Variants in PPP2R2B observed in about 807,000 individuals in gnomAD.
The protein encoded by PPP2R2B is serine/threonine-protein phosphatase 2A 55 kDa regulatory subunit B beta isoform.
Under a neutral mutation model 46.0 loss-of-function variants are expected in PPP2R2B, and 5 were observed. The observed-to-expected ratio is 0.11, with a 90% CI of 0.06 to 0.23. PPP2R2B has a LOEUF of 0.23. Among genes scored for constraint, PPP2R2B ranks in the 10% least tolerant of loss-of-function variants. The pLI is 1.00. For missense variants in PPP2R2B, 367 were observed against 575.0 expected (o/e 0.64, Z 3.70); for synonymous variants, 215 against 206.7 (o/e 1.04, Z -0.34).
rs887373260 is a variant in PPP2R2B, at chr5:147,069,185, G to C, written c.50+11874C>G. ...ATTTACAAATTCCAGTGGTGATCCT[G>C]GGCAAAGATAGCACAGTGAACTTCA... On this transcript the variant is annotated intron_variant, in intron 2 of 10. Transcript: ENST00000394413. Among the ~76,000 whole-genome samples, 6 of 152,222 alleles carry C rather than the reference G, an allele frequency of 3.9e-5. No homozygotes were observed. In the South Asian group the frequency reaches 6.2e-4, roughly 16 times the overall value.
At chr5:146,978,164 T>A (rs1234421084) in intron 1 of PPP2R2B, among the ~76,000 whole-genome samples, 1 of 152,204 alleles carries the variant, frequency 6.6e-6, no homozygotes, top group Non-Finnish European at 1.5e-5. Flanking sequence ...GTTGGCCACT[T>A]AAATGTCTTC....
chr5:146,652,209 T>A (rs1403744450), intron 5 of PPP2R2B, among the ~76,000 whole-genome samples: 1 of 152,206 alleles, frequency 6.6e-6, no homozygotes. Context: ...TCTGGGCAAC[T>A]AACCTGCTCC....
At chr5:147,035,312 C>T (rs1755982357) in intron 1 of PPP2R2B, 2 of 334,918 alleles carry the variant, frequency 6.0e-6, no homozygotes, top group South Asian at 4.4e-5. Flanking sequence ...CATTAGATCT[C>T]ATGAGAACTC....
At chr5:146,842,252 C>T (rs531106021) in intron 2 of PPP2R2B, among the ~76,000 whole-genome samples, 17 of 152,116 alleles carry the variant, frequency 1.1e-4, no homozygotes, top group Non-Finnish European at 2.2e-4. Flanking sequence ...AATTATATGG[C>T]CTGCTGTACA....
At chr5:146,772,838 C>T (rs1023800529) in intron 2 of PPP2R2B, among the ~76,000 whole-genome samples, 3 of 152,096 alleles carry the variant, frequency 2.0e-5, no homozygotes, top group Non-Finnish European at 2.9e-5. Flanking sequence ...AATTAAAATA[C>T]ACAAAGGAAT....
intron 1 of PPP2R2B, among the ~76,000 whole-genome samples, chr5:147,001,609 C>T (rs1450180654): frequency 1.3e-5 from 2 of 152,142 alleles, no homozygotes; most frequent in Middle Eastern, 3.2e-3. Context: ...AGACCAAGAA[C>T]CCACCAATTC....
chr5:146,738,431 G>T (rs1291057744), intron 2 of PPP2R2B, among the ~76,000 whole-genome samples: 1 of 149,138 alleles, frequency 6.7e-6, no homozygotes, highest in Non-Finnish European at 1.5e-5. Flanking sequence ...TAGCTTCACA[G>T]AAAAACTAGT....
At chr5:146,822,825 T>C (rs1758350804) in intron 2 of PPP2R2B, among the ~76,000 whole-genome samples, 1 of 152,220 alleles carries the variant, frequency 6.6e-6, no homozygotes, top group Admixed American at 6.5e-5. Context: ...AAGCTTCTTT[T>C]ATCACCACTA....
chr5:146,642,255 C>T (rs1561796803), intron 6 of PPP2R2B, among the ~76,000 whole-genome samples: 3 of 152,148 alleles, frequency 2.0e-5, no homozygotes. Flanking sequence ...TAATTGAAGA[C>T]ACCAGGAGGT....
chr5:146,693,128 C>T (rs2151156328), intron 4 of PPP2R2B, among the ~76,000 whole-genome samples: 1 of 151,700 alleles, frequency 6.6e-6, no homozygotes, highest in African/African-American at 2.4e-5. Context: ...TCTCTCCTTC[C>T]TTCCCTCCCT....
intron 1 of PPP2R2B, among the ~76,000 whole-genome samples, chr5:147,012,829 C>T (rs944485440): frequency 2.0e-5 from 3 of 151,928 alleles, no homozygotes; most frequent in Non-Finnish European, 4.4e-5. Context: ...GCCTTCATTT[C>T]GTTATGTACC....
intron 6 of PPP2R2B, among the ~76,000 whole-genome samples, chr5:146,644,207 C>A (rs1327231923): frequency 2.5e-5 from 3 of 118,380 alleles, no homozygotes; most frequent in African/African-American, 6.6e-5. Flanking sequence ...GGATTAGGAA[C>A]CTGAACTTCT....
chr5:146,934,583 G>GAAAAAA (rs3062352), intron 1 of PPP2R2B, among the ~76,000 whole-genome samples: 64 of 31,484 alleles, frequency 2.0e-3, no homozygotes, highest in Non-Finnish European at 2.3e-3. Context: ...TTTTTCATAA[G>GAAAAAA]AAAAAAAAAA....
upstream of PPP2R2B, among the ~76,000 whole-genome samples, chr5:147,060,902 G>A (rs556108153): frequency 2.1e-4 from 32 of 152,268 alleles, no homozygotes; most frequent in Non-Finnish European, 4.0e-4. Context: ...AGCATAAGAG[G>A]AGTTTGATAA....
rs142635447 is a variant in PPP2R2B at position 146,893,710 on chromosome 5, G to T, written c.79+161955C>A. On this transcript the variant is annotated intron_variant, in intron 1 of 8. Transcript: ENST00000336640. ...AGGGCAACATCACATACCAGAGGCT[G>T]TCAGTGGGTGGGAGGAAAGGTGGGG... 1.6e-3 allele frequency among the ~76,000 whole-genome samples: 236 copies of T among 152,202 alleles called. 3 individuals carry two copies. The highest frequency in any genetic ancestry group is 5.1e-3 in the African/African-American group (210 of 41,508).
intron 2 of PPP2R2B, among the ~76,000 whole-genome samples, chr5:146,799,482 G>A (rs926455486): frequency 1.3e-5 from 2 of 152,168 alleles, no homozygotes; most frequent in African/African-American, 4.8e-5. Flanking sequence ...TTGTAAGGAG[G>A]TATCGACAGG....
rs141664043 is a variant in PPP2R2B at position 146,897,339 on chromosome 5, C to T, written c.79+158326G>A. On this transcript the variant is annotated intron_variant, in intron 1 of 8. Transcript: ENST00000336640. The stretch of plus-strand genomic sequence containing the variant: ...TCCCACTGTTTAACTCTTCTCATCA[C>T]ACCCTGGGTGGATACAATAAAAAGT... Among the ~76,000 whole-genome samples, 194 of 152,314 alleles carry T rather than the reference C, an allele frequency of 1.3e-3. 4 individuals carry two copies. In the East Asian group the frequency reaches 0.021, roughly 16 times the overall value.
intron 1 of PPP2R2B, among the ~76,000 whole-genome samples, chr5:146,990,956 G>A (rs1753673737): frequency 6.6e-6 from 1 of 151,904 alleles, no homozygotes; most frequent in South Asian, 2.1e-4. Flanking sequence ...ATGGCCAACA[G>A]GTATATGAAA....
intron 2 of PPP2R2B, among the ~76,000 whole-genome samples, chr5:146,795,929 T>A (rs915760110): frequency 2.0e-5 from 3 of 152,174 alleles, no homozygotes; most frequent in African/African-American, 4.8e-5. Context: ...TGACTATCAT[T>A]TTTATCTATG....
Sources: gnomAD v4.1 joint callset for allele counts (sites outside exome capture counted in the v4.1 genomes callset) on GRCh38, gnomAD v4.1.1 for gene constraint, MANE v1.5 for transcripts, NCBI Gene and HGNC (gene_info 2026-07-23, HGNC 2026-07-21) for gene names.